The following RAB7A variants were observed in gnomAD, a reference collection of about 807,000 sequenced individuals.
RAB7A encodes RAB7A, member RAS oncogene family, also known as ras-related protein Rab-7a.
In RAB7A, 2 loss-of-function variants were observed where a neutral mutation model predicts 24.5. The ratio of observed to expected loss-of-function variants is 0.08; its 90% CI spans 0.03 to 0.26. The LOEUF (loss-of-function observed/expected upper bound fraction) is 0.26, where lower values mean the gene tolerates loss of function less well. Among genes scored for constraint, RAB7A ranks in the 10% least tolerant of loss-of-function variants. The pLI is 1.00. For synonymous variants in RAB7A, 100 were observed against 95.9 expected (o/e 1.04, Z -0.25); for missense variants, 118 against 255.7 (o/e 0.46, Z 3.67).
chr3:128,790,413 G>A (rs758528139), intron 1 of RAB7A, among the ~76,000 whole-genome samples: 4 of 152,170 alleles, frequency 2.6e-5, no homozygotes, highest in Admixed American at 6.5e-5. Context: ...GAGTGTAAAG[G>A]TAATGTGCTC....
At chr3:128,753,819 G>C (rs924155238) in intron 1 of RAB7A, among the ~76,000 whole-genome samples, 2 of 151,994 alleles carry the variant, frequency 1.3e-5, no homozygotes. Context: ...TTTTATTTTT[G>C]GTAGAGATGG....
At chr3:128,780,593 C>T (rs978045378) in intron 1 of RAB7A, among the ~76,000 whole-genome samples, 1 of 152,214 alleles carries the variant, frequency 6.6e-6, no homozygotes, top group Admixed American at 6.5e-5. Flanking sequence ...CACTTCATGG[C>T]ACTCAGCAAG....
intron 1 of RAB7A, among the ~76,000 whole-genome samples, chr3:128,760,096 G>T (rs1239425438): frequency 1.3e-5 from 2 of 152,200 alleles, no homozygotes; most frequent in African/African-American, 2.4e-5. Flanking sequence ...CTGTGAGGGT[G>T]TTTCTGGATG....
intron 1 of RAB7A, among the ~76,000 whole-genome samples, chr3:128,742,870 G>A (rs971601589): frequency 2.0e-5 from 3 of 152,228 alleles, no homozygotes; most frequent in Non-Finnish European, 2.9e-5. Flanking sequence ...TTCGCCTAGC[G>A]GATCCCGTGC....
rs140857794 is a variant in RAB7A, at chr3:128,795,388, G to A, written c.21G>A (p.Val7=). The part of the protein sequence containing the change: MTSRKK[V]LLKVIILGDS... ...GAAGGATGACCTCTAGGAAGAAAGT[G>A]TTGCTGAAGGTTATCATCCTGGGAG... Residue 7 remains valine (V), a synonymous_variant, in exon 2 of 6, where the codon GTG becomes GTA. Transcript: ENST00000265062. The A allele has an allele frequency of 7.2e-5, 116 of 1,613,328 alleles. No individual in the cohort carries two copies. Among genetic ancestry groups the A allele is most frequent in the Non-Finnish European group, 9.2e-5 (109 of 1,179,400 alleles).
rs1933978605 is a variant in RAB7A at position 128,813,663 on chromosome 3, T to G, written c.*241T>G. ...TCCAGCCCTTGCCCGTGATGGCTCC[T>G]TGGGGTCTGCCTGCCCACCCACATG... On this transcript the variant is annotated 3_prime_UTR_variant, in exon 6 of 6. Transcript: ENST00000265062. The G allele has an allele frequency of 3.7e-6, 2 of 547,892 alleles. No individual in the cohort carries two copies. Among genetic ancestry groups the G allele is most frequent in the Admixed American group, 5.3e-5 (2 of 37,614 alleles). The allele number at this position is 547,892 out of a possible 1,614,324, so 33.9% of individuals were successfully genotyped here.
At chr3:128,761,829 G>A (rs994622845) in intron 1 of RAB7A, among the ~76,000 whole-genome samples, 8 of 152,176 alleles carry the variant, frequency 5.3e-5, no homozygotes, top group Non-Finnish European at 1.2e-4. Context: ...GACTACTTTA[G>A]GCATTACTGA....
intron 1 of RAB7A, among the ~76,000 whole-genome samples, chr3:128,776,981 CACA>C (rs755981845): frequency 6.7e-6 from 1 of 149,972 alleles, no homozygotes; most frequent in Non-Finnish European, 1.5e-5. Flanking sequence ...CACACACACA[CACA>C]CACCCCTATT....
chr3:128,758,225 A>G (rs900029718), intron 1 of RAB7A, among the ~76,000 whole-genome samples: 4 of 151,174 alleles, frequency 2.6e-5, no homozygotes, highest in African/African-American at 9.8e-5. Flanking sequence ...TAGCCTGTCA[A>G]ATTGCTGGGG....
At chr3:128,803,909 T>C (rs1021048353) in intron 3 of RAB7A, among the ~76,000 whole-genome samples, 1 of 152,218 alleles carries the variant, frequency 6.6e-6, no homozygotes, top group African/African-American at 2.4e-5. Flanking sequence ...TAGACAGTTA[T>C]AAGGGTATAA....
At chr3:128,776,945 TACACACACACACACACACACACACAC>T (rs71153145) in intron 1 of RAB7A, among the ~76,000 whole-genome samples, 2 of 142,452 alleles carry the variant, frequency 1.4e-5, no homozygotes, top group Admixed American at 7.0e-5. Flanking sequence ...TTAGTTGAGC[TACACACACACACACACACACACACAC>T]ACACACACAC....
At chr3:128,773,608 A>C (rs2107601977) in intron 1 of RAB7A, among the ~76,000 whole-genome samples, 1 of 152,366 alleles carries the variant, frequency 6.6e-6, no homozygotes, top group African/African-American at 2.4e-5. Flanking sequence ...CAGCTCATTG[A>C]GAACAGGCCA....
At chr3:128,796,367 G>A (rs1242393918) in intron 2 of RAB7A, among the ~76,000 whole-genome samples, 1 of 152,034 alleles carries the variant, frequency 6.6e-6, no homozygotes, top group Admixed American at 6.6e-5. Context: ...CGAGAGGATG[G>A]CTTGAGCCCA....
chr3:128,756,993 A>G (rs964082609), intron 1 of RAB7A, among the ~76,000 whole-genome samples: 2 of 151,894 alleles, frequency 1.3e-5, no homozygotes, highest in Non-Finnish European at 2.9e-5. Flanking sequence ...ACAGGCGCGC[A>G]CCACCACGCC....
intron 3 of RAB7A, chr3:128,798,884 C>A: frequency 7.0e-6 from 2 of 285,374 alleles, no homozygotes; most frequent in South Asian, 3.5e-5. Flanking sequence ...TCATCTCTTT[C>A]TTCATGGTCC....
chr3:128,747,313 G>A lies in RAB7A; in HGVS notation c.-9+20954G>A, dbSNP rs868469615. Among the ~76,000 whole-genome samples, 5 of 151,200 alleles carry A rather than the reference G, an allele frequency of 3.3e-5. No individual in the cohort carries two copies. The East Asian group carries it at 5.8e-4, about 18-fold the overall frequency. ...TCTCTTAAAAAATAATCGGCCGGGCGCAGTGGCTCACGCCTGTAATCCCAG... is the reference window on the plus strand; with the variant it reads ...TCTCTTAAAAAATAATCGGCCGGGCACAGTGGCTCACGCCTGTAATCCCAG... On this transcript the variant is annotated intron_variant, in intron 1 of 5. Coordinates refer to ENST00000265062, the MANE Select transcript of RAB7A (RefSeq NM_004637.6).
intron 1 of RAB7A, among the ~76,000 whole-genome samples, chr3:128,767,464 C>G (rs1475393354): frequency 1.3e-5 from 2 of 151,920 alleles, no homozygotes; most frequent in African/African-American, 4.8e-5. Context: ...GTGAAGGGAG[C>G]CTGGGGTAAG....
intron 2 of RAB7A, among the ~76,000 whole-genome samples, chr3:128,795,751 C>CTGTTTTTTTTTTTTT (rs1933554904): frequency 2.3e-5 from 1 of 43,032 alleles, no homozygotes; most frequent in African/African-American, 6.3e-5. Context: ...AGCAGATGTG[C>CTGTTTTTTTTTTTTT]TTTTTTTTTT....
chr3:128,749,977 AT>A (rs1477539354), intron 1 of RAB7A, among the ~76,000 whole-genome samples: 1 of 152,222 alleles, frequency 6.6e-6, no homozygotes, highest in Non-Finnish European at 1.5e-5. Flanking sequence ...ACAGGCAGAG[AT>A]TTGAAGGGTT....
Sources: allele counts gnomAD v4.1 joint callset (sites outside exome capture counted in the v4.1 genomes callset), GRCh38; gene constraint gnomAD v4.1.1; transcripts MANE v1.5; gene names NCBI Gene and HGNC (gene_info 2026-07-23, HGNC 2026-07-21).